The following ALDH3B2 variants were observed in gnomAD, a reference collection of about 807,000 sequenced individuals.
The protein encoded by ALDH3B2 is aldehyde dehydrogenase 3 family member B2.
ALDH3B2 carries 45 observed loss-of-function variants against 36.7 expected under a neutral mutation model. That is an observed-to-expected ratio of 1.23 (90% CI 0.97 to 1.57). ALDH3B2 has a LOEUF of 1.57. Among genes scored for constraint, ALDH3B2 ranks in the 40% most tolerant of loss-of-function variants. The pLI, the probability that ALDH3B2 is intolerant of heterozygous loss-of-function variation, is 0.00. For synonymous variants in ALDH3B2, 217 were observed against 226.5 expected (o/e 0.96, Z 0.38); for missense variants, 464 against 513.3 (o/e 0.90, Z 0.93).
exon 4 of ALDH3B2, chr11:67,666,626 C>A (rs1221342685): frequency 3.7e-6 from 6 of 1,613,976 alleles, no homozygotes; most frequent in Non-Finnish European, 5.1e-6. Context: ...GTGGGTAGTT[C>A]CAGGGTGCGA....
At chr11:67,670,527 C>T (rs1378722436) in intron 1 of ALDH3B2, among the ~76,000 whole-genome samples, 1 of 152,134 alleles carries the variant, frequency 6.6e-6, no homozygotes, top group Non-Finnish European at 1.5e-5. Context: ...GGCCAGTGGC[C>T]CCATCTGCAC....
At chr11:67,669,112 T>A (rs1856004634) in intron 1 of ALDH3B2, among the ~76,000 whole-genome samples, 1 of 151,786 alleles carries the variant, frequency 6.6e-6, no homozygotes, top group South Asian at 2.1e-4. Flanking sequence ...TGTCTGTGTG[T>A]CTTTGTGTGG....
intron 4 of ALDH3B2, 74 bp from the exon 5 acceptor site, chr11:67,666,475 G>T: frequency 1.2e-6 from 2 of 1,602,522 alleles, no homozygotes; most frequent in Admixed American, 1.7e-5. Flanking sequence ...GGCTCAGAGG[G>T]CATGTGAGGC....
chr11:67,671,363 C>G (rs909125256), intron 1 of ALDH3B2: 7 of 152,306 alleles, frequency 4.6e-5, no homozygotes, highest in African/African-American at 1.7e-4. Flanking sequence ...TGGAGCTGGA[C>G]CCAAGCCCTG....
intron 1 of ALDH3B2, among the ~76,000 whole-genome samples, chr11:67,670,140 C>G (rs6591273): frequency 3.0e-5 from 2 of 65,776 alleles, no homozygotes; most frequent in African/African-American, 1.2e-4. Context: ...GTATGGGTGT[C>G]TGTGTGTGTA....
chr11:67,664,533 T>A, exon 8 of ALDH3B2: 1 of 1,613,562 alleles, frequency 6.2e-7, no homozygotes, highest in Non-Finnish European at 8.5e-7. Context: ...ACAGGCTCCG[T>A]CTCCTGCACG....
chr11:67,668,409 A>G (rs899459094), intron 1 of ALDH3B2, among the ~76,000 whole-genome samples: 3 of 151,742 alleles, frequency 2.0e-5, no homozygotes, highest in South Asian at 2.1e-4. Context: ...AAGGATCAGG[A>G]CCCTGGGGGT....
intron 1 of ALDH3B2, among the ~76,000 whole-genome samples, chr11:67,670,301 T>A (rs563542672): frequency 1.2e-4 from 18 of 147,584 alleles, no homozygotes; most frequent in Admixed American, 4.0e-4. Context: ...GGTGTCTGTA[T>A]GCGTATGGGT....
At chr11:67,672,042 CAT>C (rs57997475) in intron 1 of ALDH3B2, among the ~76,000 whole-genome samples, 1,087 of 49,176 alleles carry the variant, frequency 0.022, 13 homozygotes, top group Non-Finnish European at 0.026. Context: ...CGATGTACTT[CAT>C]ATATATATAT....
At chr11:67,664,038 G>A (rs1210104199) in intron 8 of ALDH3B2, among the ~76,000 whole-genome samples, 2 of 152,154 alleles carry the variant, frequency 1.3e-5, no homozygotes, top group Non-Finnish European at 2.9e-5. Context: ...TTAGGATGCT[G>A]CAGTGTGGTA....
At chr11:67,667,564 TCGGC>T (rs925263462) in exon 2 of ALDH3B2, 2 of 383,138 alleles carry the variant, frequency 5.2e-6, no homozygotes, top group Non-Finnish European at 9.1e-6. Flanking sequence ...AGCCCGGAAC[TCGGC>T]CGGCCGCGTG....
upstream of ALDH3B2, among the ~76,000 whole-genome samples, chr11:67,678,733 G>T: frequency 7.0e-6 from 1 of 143,626 alleles, no homozygotes; most frequent in Non-Finnish European, 1.5e-5. Context: ...ACACGCTATG[G>T]CATATATATA....
chr11:67,663,658 C>A lies in ALDH3B2; in HGVS notation c.973+4G>T, dbSNP rs750091803. On this transcript the variant is annotated splice_donor_region_variant and intron_variant, in intron 9 of 9. Transcript: ENST00000349015. ...CCTAGGGGTGGAAATGGGCAGGGAC[C>A]CACCGACTCCCCCGAATGGCACGGA... is the stretch of plus-strand genomic sequence containing the variant. 6.2e-7 allele frequency: 1 copy of A among 1,606,878 alleles called. No homozygotes were observed. Among genetic ancestry groups the A allele is most frequent in the Non-Finnish European group, 8.5e-7 (1 of 1,174,506 alleles).
At chr11:67,674,725 G>C (rs1266899221), upstream of ALDH3B2, 1 of 152,622 alleles carries the variant, frequency 6.6e-6, no homozygotes, top group East Asian at 1.9e-4. Flanking sequence ...ATAGCTGCTC[G>C]GTGTCTGCCC....
intron 6 of ALDH3B2, 109 bp downstream of exon 6, chr11:67,666,012 TC>T: frequency 2.2e-6 from 3 of 1,368,268 alleles, no homozygotes; most frequent in Non-Finnish European, 3.1e-6. Context: ...CAGCTCCAGC[TC>T]CCCACGTGCC....
In ALDH3B2 at chr11:67,665,154, A is replaced by G. The variant is rs1003129231; in HGVS notation, c.706+131T>C. 1.8e-5 allele frequency: 27 copies of G among 1,464,476 alleles called. No homozygotes were observed. In the African/African-American group the frequency reaches 2.0e-4, roughly 11 times the overall value. The allele number at this position is 1,464,476 out of a possible 1,614,324, so 90.7% of individuals were successfully genotyped here. A position where few individuals can be genotyped will look rare whatever the true frequency, so the allele number is the denominator to read the frequency against. The stretch of plus-strand genomic sequence containing the variant: ...GAGACGGAATCGTGGCACCAGAGCC[A>G]TGGCTCAAGGCCGGGCTCTGATAGT... On this transcript the variant is annotated intron_variant, in intron 7 of 9. Coordinates refer to ENST00000349015, the Ensembl canonical transcript of ALDH3B2.
upstream of ALDH3B2, among the ~76,000 whole-genome samples, chr11:67,677,773 A>AT (rs1314778938): frequency 1.3e-5 from 2 of 152,206 alleles, no homozygotes; most frequent in African/African-American, 4.8e-5. Flanking sequence ...TACAAAATTA[A>AT]TGTACACAAA....
At chr11:67,666,638 G>A in exon 4 of ALDH3B2, 1 of 1,614,186 alleles carries the variant, frequency 6.2e-7, no homozygotes, top group Non-Finnish European at 8.5e-7. Context: ...AGGGTGCGAT[G>A]ATGAGGACCA....
exon 9 of ALDH3B2, chr11:67,663,740 G>A (rs775266509): frequency 1.7e-5 from 27 of 1,611,994 alleles, no homozygotes; most frequent in Middle Eastern, 1.6e-4. Context: ...CTGCTGGTCC[G>A]CTCCAGCATC....
Sources: gnomAD v4.1 joint callset for allele counts (sites outside exome capture counted in the v4.1 genomes callset) on GRCh38, gnomAD v4.1.1 for gene constraint, MANE v1.5 for transcripts, NCBI Gene and HGNC (gene_info 2026-07-23, HGNC 2026-07-21) for gene names.